The following NAALADL2 variants were observed in gnomAD, a reference collection of about 807,000 sequenced individuals.
NAALADL2 encodes the protein N-acetylated alpha-linked acidic dipeptidase like 2.
In NAALADL2, 76 loss-of-function variants were observed where a neutral mutation model predicts 87.2. That is an observed-to-expected ratio of 0.87 (90% CI 0.72 to 1.05). The LOEUF (loss-of-function observed/expected upper bound fraction) is 1.05, where lower values mean the gene tolerates loss of function less well. Among genes scored for constraint, NAALADL2 ranks in the 50% least tolerant of loss-of-function variants. The probability of loss-of-function intolerance (pLI) is 0.00; values close to 1 mark genes in which losing one functional copy is unlikely to be tolerated. For missense variants in NAALADL2, 1,089 were observed against 945.8 expected (o/e 1.15, Z -1.99); for synonymous variants, 354 against 331.0 (o/e 1.07, Z -0.75).
intron 5 of NAALADL2, among the ~76,000 whole-genome samples, chr3:175,409,895 T>C (rs1713160633): frequency 6.6e-6 from 1 of 151,996 alleles, no homozygotes; most frequent in African/African-American, 2.4e-5. Context: ...TCCAAAGTTT[T>C]AAAAGTAAAA....
intron 2 of NAALADL2, among the ~76,000 whole-genome samples, chr3:175,133,275 C>T (rs948749071): frequency 8.0e-5 from 12 of 150,554 alleles, no homozygotes; most frequent in Non-Finnish European, 1.0e-4. Flanking sequence ...ACATCCCAGA[C>T]GATGGGCGGC....
Position 175,686,241 on chromosome 3 carries a change from GT to G in NAALADL2, c.1897-51063del, listed in dbSNP as rs375903932. ...ACAATGAACAAAATCAATAATTAAG[GT>G]TATGTACATTCTTTAATTGTGAAGT... On this transcript the variant is annotated intron_variant, in intron 11 of 13. Coordinates refer to ENST00000454872, the MANE Select transcript of NAALADL2 (RefSeq NM_207015.3). Among the ~76,000 whole-genome samples, 867 of 152,200 alleles carry G rather than the reference GT, an allele frequency of 5.7e-3. 4 individuals carry two copies. Among genetic ancestry groups the G allele is most frequent in the African/African-American group, 0.02 (816 of 41,550 alleles).
intron 2 of NAALADL2, among the ~76,000 whole-genome samples, chr3:174,729,424 C>T (rs1332253744): frequency 1.3e-5 from 2 of 151,938 alleles, no homozygotes; most frequent in Non-Finnish European, 2.9e-5. Context: ...GTAGCAAGGC[C>T]AGACTTTGAG....
intron 4 of NAALADL2, among the ~76,000 whole-genome samples, chr3:175,262,134 T>C (rs1337143591): frequency 6.6e-6 from 1 of 152,068 alleles, no homozygotes; most frequent in Non-Finnish European, 1.5e-5. Flanking sequence ...TTATATATAT[T>C]GGTGATTTAC....
At chr3:175,000,729 A>G (rs1560461004) in intron 1 of NAALADL2, among the ~76,000 whole-genome samples, 1 of 152,226 alleles carries the variant, frequency 6.6e-6, no homozygotes, top group Non-Finnish European at 1.5e-5. Flanking sequence ...CTTATTTTAT[A>G]AGAACTGTGC....
At chr3:174,870,234 T>C (rs551017665) in intron 1 of NAALADL2, among the ~76,000 whole-genome samples, 1 of 152,256 alleles carries the variant, frequency 6.6e-6, no homozygotes, top group Non-Finnish European at 1.5e-5. Context: ...CTTCAGATTG[T>C]ATGCCACTGG....
chr3:174,678,278 G>A (rs1727223698), intron 2 of NAALADL2, among the ~76,000 whole-genome samples: 1 of 152,128 alleles, frequency 6.6e-6, no homozygotes, highest in Non-Finnish European at 1.5e-5. Flanking sequence ...CCAGCTATTA[G>A]GTGATGCTGA....
intron 1 of NAALADL2, among the ~76,000 whole-genome samples, chr3:174,917,869 T>C (rs1290417904): frequency 6.6e-6 from 1 of 152,142 alleles, no homozygotes; most frequent in South Asian, 2.1e-4. Context: ...CACAATTTTC[T>C]AATTTTCGTC....
chr3:175,796,933 A>G (rs1307921357), intron 13 of NAALADL2, among the ~76,000 whole-genome samples: 2 of 149,370 alleles, frequency 1.3e-5, no homozygotes, highest in Admixed American at 6.7e-5. Flanking sequence ...GCCTTTGTTT[A>G]AAAATTCATG....
At chr3:174,515,318 G>GC (rs1269188703) in intron 1 of NAALADL2, among the ~76,000 whole-genome samples, 1 of 151,952 alleles carries the variant, frequency 6.6e-6, no homozygotes, top group African/African-American at 2.4e-5. Context: ...ATTCTCTTTT[G>GC]CCATGCACTG....
chr3:175,607,913 G>GCACACACACGCACACACACACGCA (rs57909304), intron 10 of NAALADL2, among the ~76,000 whole-genome samples: 1 of 149,094 alleles, frequency 6.7e-6, no homozygotes, highest in Non-Finnish European at 1.5e-5. Context: ...ACACACACAC[G>GCACACACACGCACACACACACGCA]CACACACACG....
At position 175,427,587 on chromosome 3, in the gene NAALADL2, G is replaced by A. The variant is rs190968434; in HGVS notation, c.1091-19642G>A. Among the ~76,000 whole-genome samples, 263 of 152,158 alleles carry A rather than the reference G, an allele frequency of 1.7e-3. 2 individuals are homozygous for A. The highest frequency in any genetic ancestry group is 5.4e-3 in the African/African-American group (224 of 41,528). On this transcript the variant is annotated intron_variant, in intron 5 of 13. Transcript: ENST00000454872. ...ACACAAATAAGATTTTACAACAATG[G>A]CAGCTAATAATTTAGTTGGAATTCA...
chr3:175,661,156 C>T (rs1013454952), intron 11 of NAALADL2, among the ~76,000 whole-genome samples: 10 of 151,776 alleles, frequency 6.6e-5, no homozygotes, highest in East Asian at 3.9e-4. Context: ...CACCAACACT[C>T]GTTATTTTTT....
At chr3:175,705,450 G>C (rs1213516222) in intron 11 of NAALADL2, among the ~76,000 whole-genome samples, 1 of 151,712 alleles carries the variant, frequency 6.6e-6, no homozygotes, top group African/African-American at 2.4e-5. Context: ...GCTCCTTTGA[G>C]AGGTGTCCCA....
At chr3:175,529,365 C>G (rs183370563) in intron 9 of NAALADL2, among the ~76,000 whole-genome samples, 59 of 152,254 alleles carry the variant, frequency 3.9e-4, no homozygotes, top group Non-Finnish European at 2.1e-4. Flanking sequence ...GAACTAAGAT[C>G]TCTAGCCCAG....
intron 2 of NAALADL2, among the ~76,000 whole-genome samples, chr3:174,558,558 A>G (rs1713157035): frequency 6.6e-6 from 1 of 152,072 alleles, no homozygotes. Flanking sequence ...CACAATCTAG[A>G]TCTCTCACAT....
chr3:175,036,478 C>A (rs1753422311), intron 1 of NAALADL2, among the ~76,000 whole-genome samples: 2 of 151,884 alleles, frequency 1.3e-5, no homozygotes, highest in Non-Finnish European at 2.9e-5. Flanking sequence ...CAGCTCACTT[C>A]AAGCTCTGCC....
At chr3:175,283,442 T>G (rs577265669) in intron 4 of NAALADL2, among the ~76,000 whole-genome samples, 9 of 152,254 alleles carry the variant, frequency 5.9e-5, no homozygotes, top group Non-Finnish European at 1.3e-4. Flanking sequence ...GTTAGCCAGG[T>G]CTGACATGCA....
At chr3:175,448,693 T>C (rs564798896) in intron 6 of NAALADL2, among the ~76,000 whole-genome samples, 1 of 148,192 alleles carries the variant, frequency 6.7e-6, no homozygotes, top group Non-Finnish European at 1.5e-5. Context: ...TTTTTAAAAT[T>C]TTTTTGTGTT....
Sources: allele counts gnomAD v4.1 joint callset (sites outside exome capture counted in the v4.1 genomes callset), GRCh38; gene constraint gnomAD v4.1.1; transcripts MANE v1.5; gene names NCBI Gene and HGNC (gene_info 2026-07-23, HGNC 2026-07-21).